The following HMG20A variants were observed in gnomAD, a reference collection of about 807,000 sequenced individuals.
HMG20A encodes high mobility group 20A, also known as high mobility group protein 20A.
HMG20A carries 17 observed loss-of-function variants against 43.9 expected under a neutral mutation model. The ratio of observed to expected loss-of-function variants is 0.39; its 90% CI spans 0.27 to 0.58. The LOEUF is 0.58. HMG20A is among the 20% of genes least tolerant of loss of function. HMG20A has a pLI of 0.59. For synonymous variants in HMG20A, 132 were observed against 147.5 expected, an observed-to-expected ratio of 0.89 and a Z score of 0.76; for missense variants, 341 against 438.2, an observed-to-expected ratio of 0.78 and a Z score of 1.98.
intron 1 of HMG20A, among the ~76,000 whole-genome samples, chr15:77,451,920 C>T (rs2072607115): frequency 6.6e-6 from 1 of 152,114 alleles, no homozygotes; most frequent in South Asian, 2.1e-4. Flanking sequence ...ATACATCAAT[C>T]GGCCATGTTC....
intron 1 of HMG20A, among the ~76,000 whole-genome samples, chr15:77,452,477 A>C (rs1209530757): frequency 6.6e-6 from 1 of 152,182 alleles, no homozygotes; most frequent in African/African-American, 2.4e-5. Context: ...CTAAGATGAG[A>C]TGTGAAGGAT....
In HMG20A at chr15:77,458,370, C is replaced by T. The variant is rs755915777; in HGVS notation, c.-4-34C>T. The T allele has an allele frequency of 2.2e-6, 3 of 1,353,896 alleles. No individual in the cohort carries two copies. In the African/African-American group the frequency reaches 4.3e-5, roughly 20 times the overall value. 83.9% of individuals were successfully genotyped at this position (1,353,896 alleles called of 1,614,324 possible). ...GGAACTTGAAATGGAAGTAATTAAG[C>T]CATTAATTTTTTTTTATTCTCTTTT... On this transcript the variant is annotated intron_variant, in intron 1 of 9. Coordinates refer to ENST00000336216, the MANE Select transcript of HMG20A (RefSeq NM_001304504.2).
At chr15:77,495,357 G>A in the HMG20A span, among the ~76,000 whole-genome samples, 3 of 152,246 alleles carry the variant, frequency 2.0e-5, no homozygotes, top group African/African-American at 7.2e-5. Flanking sequence ...AGACCAGCCT[G>A]GCCAATATAG....
At chr15:77,506,189 T>C in the HMG20A span, among the ~76,000 whole-genome samples, 1 of 151,990 alleles carries the variant, frequency 6.6e-6, no homozygotes, top group Admixed American at 6.6e-5. Context: ...CATGAAAAGT[T>C]CAACTTTAAC....
the HMG20A span, among the ~76,000 whole-genome samples, chr15:77,504,488 G>A: frequency 6.6e-6 from 1 of 152,266 alleles, no homozygotes; most frequent in Non-Finnish European, 1.5e-5. Flanking sequence ...TGCGCGGGGT[G>A]CGCCTTCTGG....
At chr15:77,437,518 T>G (rs1433081444) in intron 1 of HMG20A, among the ~76,000 whole-genome samples, 1 of 152,184 alleles carries the variant, frequency 6.6e-6, no homozygotes, top group Non-Finnish European at 1.5e-5. Flanking sequence ...TGTGTGCAGA[T>G]TTTATTTAAG....
intron 1 of HMG20A, among the ~76,000 whole-genome samples, chr15:77,436,216 G>T (rs995709633): frequency 6.6e-6 from 1 of 151,892 alleles, no homozygotes; most frequent in Non-Finnish European, 1.5e-5. Flanking sequence ...AAAAATCTTG[G>T]GCTCATTCTT....
intron 3 of HMG20A, among the ~76,000 whole-genome samples, chr15:77,465,536 C>T (rs77071448): frequency 1.3e-5 from 2 of 152,012 alleles, no homozygotes; most frequent in East Asian, 2.0e-4. Context: ...TCTGGGATTA[C>T]AGGCACATGC....
intron 1 of HMG20A, among the ~76,000 whole-genome samples, chr15:77,454,818 G>T (rs1161563628): frequency 6.6e-6 from 1 of 152,146 alleles, no homozygotes; most frequent in African/African-American, 2.4e-5. Context: ...TGTAATAGGA[G>T]AATTAAGAGA....
the HMG20A span, among the ~76,000 whole-genome samples, chr15:77,508,590 G>A: frequency 1.3e-5 from 2 of 152,106 alleles, no homozygotes; most frequent in Non-Finnish European, 2.9e-5. Flanking sequence ...CTGGGGTGAG[G>A]GTCTTTCTGC....
chr15:77,444,981 G>T (rs761674947), intron 1 of HMG20A, among the ~76,000 whole-genome samples: 1 of 151,228 alleles, frequency 6.6e-6, no homozygotes, highest in African/African-American at 2.4e-5. Flanking sequence ...CTCTGCTATC[G>T]AGCATCCTCT....
chr15:77,437,617 G>T (rs1051316830), intron 1 of HMG20A, among the ~76,000 whole-genome samples: 1 of 152,138 alleles, frequency 6.6e-6, no homozygotes, highest in Non-Finnish European at 1.5e-5. Flanking sequence ...TGTTGCCCAG[G>T]CTGGAGTGCG....
At chr15:77,499,876 C>T in the HMG20A span, among the ~76,000 whole-genome samples, 1 of 151,768 alleles carries the variant, frequency 6.6e-6, no homozygotes, top group Non-Finnish European at 1.5e-5. Context: ...GTCGCCCAGC[C>T]TGGAGTGCAG....
At chr15:77,450,075 G>A (rs2073718720) in intron 1 of HMG20A, among the ~76,000 whole-genome samples, 1 of 152,038 alleles carries the variant, frequency 6.6e-6, no homozygotes, top group Non-Finnish European at 1.5e-5. Flanking sequence ...AAATGCCTGG[G>A]ACCAGAAGTG....
chr15:77,481,162 G>A (rs1420856574), intron 9 of HMG20A, among the ~76,000 whole-genome samples: 2 of 152,170 alleles, frequency 1.3e-5, no homozygotes, highest in Non-Finnish European at 2.9e-5. Context: ...GATGCCCTTG[G>A]ATGGTAACTG....
chr15:77,492,828 TA>T, the HMG20A span, among the ~76,000 whole-genome samples: 2 of 150,092 alleles, frequency 1.3e-5, no homozygotes, highest in Non-Finnish European at 3.0e-5. Context: ...AATAAATAAA[TA>T]AAGAAGAGGA....
At chr15:77,421,156 G>T in intron 1 of HMG20A, 152 bp downstream of exon 1, 1 of 382,400 alleles carries the variant, frequency 2.6e-6, no homozygotes, top group Non-Finnish European at 4.6e-6. Flanking sequence ...GGGGAGGGGA[G>T]GAAGGCCGTC....
At chr15:77,438,860 G>A (rs766878469) in intron 1 of HMG20A, among the ~76,000 whole-genome samples, 21 of 152,042 alleles carry the variant, frequency 1.4e-4, no homozygotes, top group African/African-American at 4.3e-4. Flanking sequence ...GCGTGATCTC[G>A]GCTCACTGCA....
At chr15:77,502,121 T>A in the HMG20A span, among the ~76,000 whole-genome samples, 1 of 152,228 alleles carries the variant, frequency 6.6e-6, no homozygotes, top group Non-Finnish European at 1.5e-5. Flanking sequence ...TGGTGACACA[T>A]GAAAATTACA....
Sources: gnomAD v4.1 joint callset for allele counts (sites outside exome capture counted in the v4.1 genomes callset) on GRCh38, gnomAD v4.1.1 for gene constraint, MANE v1.5 for transcripts, NCBI Gene and HGNC (gene_info 2026-07-23, HGNC 2026-07-21) for gene names.